SLC24A2: variants seen among roughly 807,000 people sequenced by gnomAD.
SLC24A2 encodes sodium/potassium/calcium exchanger 2.
Under a neutral mutation model 62.0 loss-of-function variants are expected in SLC24A2, and 36 were observed. That is an observed-to-expected ratio of 0.58 (90% confidence interval 0.44 to 0.77). SLC24A2 has a LOEUF of 0.77. SLC24A2 is among the 30% of genes least tolerant of loss of function. The pLI is 0.00. For synonymous variants in SLC24A2, 358 were observed against 294.0 expected, an observed-to-expected ratio of 1.22 and a Z score of -2.23; for missense variants, 846 against 817.9, an observed-to-expected ratio of 1.03 and a Z score of -0.42.
At chr9:19,594,173 C>T (rs1258129680) in intron 5 of SLC24A2, among the ~76,000 whole-genome samples, 2 of 152,060 alleles carry the variant, frequency 1.3e-5, no homozygotes, top group Non-Finnish European at 2.9e-5. Flanking sequence ...TCCCCTGTAG[C>T]CTGTCATCTT....
chr9:19,867,947 T>C, the SLC24A2 span, among the ~76,000 whole-genome samples: 1 of 151,898 alleles, frequency 6.6e-6, no homozygotes, highest in East Asian at 1.9e-4. Flanking sequence ...AAACTTTTGG[T>C]TTTGTTTTAA....
intron 2 of SLC24A2, among the ~76,000 whole-genome samples, chr9:19,658,338 C>A (rs1178601034): frequency 6.6e-6 from 1 of 151,850 alleles, no homozygotes; most frequent in African/African-American, 2.4e-5. Context: ...AAAACAATAG[C>A]TAATGCCTGT....
At chr9:20,290,717 C>T in the SLC24A2 span, among the ~76,000 whole-genome samples, 4 of 152,192 alleles carry the variant, frequency 2.6e-5, no homozygotes, top group African/African-American at 9.6e-5. Flanking sequence ...TGCCTACATG[C>T]TACCATGGAA....
At chr9:19,683,151 A>G (rs1432207328) in intron 2 of SLC24A2, among the ~76,000 whole-genome samples, 1 of 152,168 alleles carries the variant, frequency 6.6e-6, no homozygotes, top group Admixed American at 6.6e-5. Flanking sequence ...AGGACAGTAC[A>G]TTAACTATTG....
At chr9:19,998,937 C>A in the SLC24A2 span, among the ~76,000 whole-genome samples, 1 of 152,176 alleles carries the variant, frequency 6.6e-6, no homozygotes. Flanking sequence ...AAGAATCAGA[C>A]CAGCAGAAGC....
chr9:19,545,451 C>T (rs971476098), intron 8 of SLC24A2, among the ~76,000 whole-genome samples: 2 of 151,940 alleles, frequency 1.3e-5, no homozygotes, highest in Admixed American at 6.6e-5. Flanking sequence ...ACTCATTCTC[C>T]ATCCATTTTT....
At chr9:19,698,649 C>A (rs1237123415) in intron 2 of SLC24A2, among the ~76,000 whole-genome samples, 1 of 152,126 alleles carries the variant, frequency 6.6e-6, no homozygotes, top group South Asian at 2.1e-4. Flanking sequence ...GCAGTGTGCA[C>A]TCTGGGGATA....
chr9:19,585,803 T>C (rs1836354802), intron 5 of SLC24A2, among the ~76,000 whole-genome samples: 1 of 152,238 alleles, frequency 6.6e-6, no homozygotes, highest in Non-Finnish European at 1.5e-5. Context: ...ACAAATCCAA[T>C]GCTGTCTTTT....
the SLC24A2 span, among the ~76,000 whole-genome samples, chr9:20,159,374 G>C: frequency 1.3e-5 from 2 of 151,310 alleles, no homozygotes; most frequent in African/African-American, 4.9e-5. Context: ...TCTTTTGAAA[G>C]ACTACACACC....
chr9:20,184,260 A>G, the SLC24A2 span, among the ~76,000 whole-genome samples: 1 of 152,234 alleles, frequency 6.6e-6, no homozygotes, highest in Non-Finnish European at 1.5e-5. Context: ...CAAAAAAAGC[A>G]AAAGATAGGC....
chr9:19,709,850 T>A (rs968096633), intron 2 of SLC24A2, among the ~76,000 whole-genome samples: 1 of 151,726 alleles, frequency 6.6e-6, no homozygotes, highest in Admixed American at 6.6e-5. Flanking sequence ...TGTATACATA[T>A]GTAACTAACC....
the SLC24A2 span, among the ~76,000 whole-genome samples, chr9:20,222,068 G>T: frequency 6.6e-6 from 1 of 151,956 alleles, no homozygotes; most frequent in African/African-American, 2.4e-5. Flanking sequence ...TTGCTCATTG[G>T]TAGTAAAAGT....
At chr9:19,748,947 C>T (rs561469680) in intron 2 of SLC24A2, among the ~76,000 whole-genome samples, 1 of 151,618 alleles carries the variant, frequency 6.6e-6, no homozygotes, top group East Asian at 1.9e-4. Flanking sequence ...GGTTGCTGTA[C>T]CAGATTGTGT....
rs1589105961 is a variant in SLC24A2, at chr9:19,509,213, T to G, written c.*6940A>C. ...AAAAATCTACAATTTTAAAATAATT[T>G]CCATGTAGTATTAGAACTTGCTAAA... On this transcript the variant is annotated 3_prime_UTR_variant, in exon 11 of 11. Transcript: ENST00000341998. 3 of 152,320 alleles carry G rather than the reference T, an allele frequency of 2.0e-5. 1 individual carries two copies. The Middle Eastern group carries it at 0.01, about 522-fold the overall frequency. 9.4% of individuals were successfully genotyped at this position (152,320 alleles called of 1,614,324 possible).
chr9:19,535,369 TG>T (rs1833910504), intron 8 of SLC24A2, among the ~76,000 whole-genome samples: 1 of 152,216 alleles, frequency 6.6e-6, no homozygotes, highest in African/African-American at 2.4e-5. Flanking sequence ...AGATCCCAGT[TG>T]CCAATTTTGG....
At chr9:19,699,365 T>C (rs906382619) in intron 2 of SLC24A2, among the ~76,000 whole-genome samples, 1 of 152,206 alleles carries the variant, frequency 6.6e-6, no homozygotes, top group East Asian at 1.9e-4. Flanking sequence ...ATTGCCCCTC[T>C]CATCCACTGC....
the SLC24A2 span, among the ~76,000 whole-genome samples, chr9:20,273,834 T>A: frequency 6.6e-6 from 1 of 152,190 alleles, no homozygotes; most frequent in Admixed American, 6.5e-5. Context: ...CCATTCTCCA[T>A]CAAACCTAAG....
chr9:20,285,079 G>A, the SLC24A2 span, among the ~76,000 whole-genome samples: 2 of 152,144 alleles, frequency 1.3e-5, no homozygotes, highest in African/African-American at 4.8e-5. Flanking sequence ...ATAGGCCAGA[G>A]CTAGCAGGGT....
At position 19,550,286 on chromosome 9, in the gene SLC24A2, G is replaced by A; in HGVS notation, c.1348-18C>T. On this transcript the variant is annotated intron_variant, in intron 7 of 10. Transcript: ENST00000341998. ...TCAGCGGTCTGTGGTAGAAAAAGAG[G>A]TAAAATTAAACAAACAAAAAAATAA... 1.2e-6 allele frequency: 2 copies of A among 1,613,400 alleles called. No homozygotes were observed. The highest frequency in any genetic ancestry group is 1.7e-6 in the Non-Finnish European group (2 of 1,179,606).
Sources: allele counts gnomAD v4.1 joint callset (sites outside exome capture counted in the v4.1 genomes callset), GRCh38; gene constraint gnomAD v4.1.1; transcripts MANE v1.5; gene names NCBI Gene and HGNC (gene_info 2026-07-23, HGNC 2026-07-21).